DDR2: variants seen among roughly 807,000 people sequenced by gnomAD.
DDR2 encodes discoidin domain receptor tyrosine kinase 2, also known as discoidin domain-containing receptor 2.
In DDR2, 27 loss-of-function variants were observed where a neutral mutation model predicts 94.9. The observed-to-expected ratio is 0.28, with a 90% CI of 0.21 to 0.39. The LOEUF (loss-of-function observed/expected upper bound fraction) is 0.39. Ranked by LOEUF, DDR2 falls within the 10% of genes least tolerant of loss-of-function variation. DDR2 has a pLI of 1.00. For missense variants in DDR2, 783 were observed against 1,076.0 expected, an observed-to-expected ratio of 0.73 and a Z score of 3.81; for synonymous variants, 382 against 377.2, an observed-to-expected ratio of 1.01 and a Z score of -0.15.
intron 1 of DDR2, among the ~76,000 whole-genome samples, chr1:162,640,261 C>T (rs567428561): frequency 4.6e-5 from 7 of 152,184 alleles, no homozygotes; most frequent in South Asian, 4.2e-4. Flanking sequence ...AGGCTGGTTT[C>T]GAACTCCTGA....
At chr1:162,700,842 C>A (rs574721907) in intron 2 of DDR2, among the ~76,000 whole-genome samples, 1 of 152,194 alleles carries the variant, frequency 6.6e-6, no homozygotes, top group African/African-American at 2.4e-5. Context: ...GTCTTAAAAC[C>A]GCTTATAGCT....
intron 4 of DDR2, among the ~76,000 whole-genome samples, chr1:162,753,603 C>T (rs1434142437): frequency 1.3e-5 from 2 of 152,148 alleles, no homozygotes; most frequent in East Asian, 3.9e-4. Flanking sequence ...GTCTATGAAA[C>T]ATCACTCACT....
At chr1:162,775,374 C>T (rs533761833) in intron 14 of DDR2, among the ~76,000 whole-genome samples, 2 of 152,080 alleles carry the variant, frequency 1.3e-5, no homozygotes, top group South Asian at 4.2e-4. Context: ...TAATCACTTT[C>T]TGTGTGGCAG....
chr1:162,635,315 C>T (rs1656761298), intron 1 of DDR2, among the ~76,000 whole-genome samples: 1 of 151,790 alleles, frequency 6.6e-6, no homozygotes, highest in African/African-American at 2.4e-5. Context: ...GAGCGGCCAC[C>T]CCCCATACAT....
In DDR2 at chr1:162,741,729, A is replaced by T. The variant is rs1023675486; in HGVS notation, c.83-11366A>T. 8 of 985,258 alleles carry T rather than the reference A, an allele frequency of 8.1e-6. No individual in the cohort carries two copies. In the South Asian group the frequency reaches 2.8e-4, roughly 35 times the overall value. The allele number at this position is 985,258 out of a possible 1,614,324, so 61.0% of individuals were successfully genotyped here. A position where few individuals can be genotyped will look rare whatever the true frequency, so the allele number is the denominator to read the frequency against. ...TCACAAAGGGTAAGTGAAGTTCTACATTATTAGTAGCTGGGCTTGGGTCCT... is the reference window on the plus strand; with the variant it reads ...TCACAAAGGGTAAGTGAAGTTCTACTTTATTAGTAGCTGGGCTTGGGTCCT... On this transcript the variant is annotated intron_variant, in intron 3 of 17. Transcript: ENST00000367921.
intron 2 of DDR2, among the ~76,000 whole-genome samples, chr1:162,712,175 T>A (rs961215708): frequency 6.7e-6 from 1 of 149,480 alleles, no homozygotes; most frequent in African/African-American, 2.5e-5. Context: ...AAATATGGTG[T>A]CATGTGTGTA....
At chr1:162,707,782 C>A (rs1484127240) in intron 2 of DDR2, among the ~76,000 whole-genome samples, 3 of 152,180 alleles carry the variant, frequency 2.0e-5, no homozygotes, top group Non-Finnish European at 4.4e-5. Flanking sequence ...TCTATTCATA[C>A]CGCTATTCAA....
At chr1:162,679,995 T>G (rs186339235) in intron 2 of DDR2, among the ~76,000 whole-genome samples, 1 of 152,336 alleles carries the variant, frequency 6.6e-6, no homozygotes, top group African/African-American at 2.4e-5. Flanking sequence ...TGGTTTTTCC[T>G]TGTAAATTTG....
intron 10 of DDR2, 121 bp from the exon 11 acceptor site, chr1:162,767,108 G>A: frequency 7.3e-7 from 1 of 1,373,850 alleles, no homozygotes; most frequent in South Asian, 1.2e-5. Context: ...GTATTAAGGT[G>A]GCATCTTCCA....
intron 2 of DDR2, among the ~76,000 whole-genome samples, chr1:162,683,963 A>G (rs954720091): frequency 4.6e-5 from 7 of 152,208 alleles, no homozygotes; most frequent in African/African-American, 1.4e-4. Context: ...AAGTGGGAGG[A>G]ATCAGTCTAC....
At chr1:162,741,800 C>T (rs1322514754) in intron 3 of DDR2, 1 of 977,482 alleles carries the variant, frequency 1.0e-6, no homozygotes, top group Non-Finnish European at 1.2e-6. Context: ...GGCATGTAGC[C>T]CAGGTTAAAG....
At chr1:162,734,248 C>A (rs1048963987) in intron 3 of DDR2, among the ~76,000 whole-genome samples, 4 of 152,192 alleles carry the variant, frequency 2.6e-5, no homozygotes, top group African/African-American at 9.6e-5. Flanking sequence ...TATCTCCTGT[C>A]TGCTAAAACA....
intron 3 of DDR2, among the ~76,000 whole-genome samples, chr1:162,748,812 A>G (rs1663025479): frequency 6.6e-6 from 1 of 152,230 alleles, no homozygotes; most frequent in African/African-American, 2.4e-5. Flanking sequence ...TCTGTCTCAG[A>G]CCACAGTGCA....
chr1:162,720,177 T>C (rs1013857400), intron 3 of DDR2, among the ~76,000 whole-genome samples: 26 of 151,650 alleles, frequency 1.7e-4, no homozygotes, highest in African/African-American at 5.6e-4. Flanking sequence ...GCTACAAATA[T>C]GAACATGGAA....
Position 162,658,662 on chromosome 1 carries a change from CAA to C in DDR2, c.-28+3305_-28+3306del, listed in dbSNP as rs796958023. On this transcript the variant is annotated intron_variant, in intron 2 of 17. Coordinates refer to ENST00000367921, the MANE Select transcript of DDR2 (RefSeq NM_006182.4). ...GCAACGTGGCAAGACCTTGTCTGTA[CAA>C]AAAAAAAAAAAAAAAATGCCAGGTA... Among the ~76,000 whole-genome samples, 226 of 61,086 alleles carry C rather than the reference CAA, an allele frequency of 3.7e-3. 1 individual carries two copies. The highest frequency in any genetic ancestry group is 0.012 in the African/African-American group (217 of 18,216). The allele number at this position is 61,086 out of a possible 152,430, so 40.1% of individuals were successfully genotyped here. A position where few individuals can be genotyped will look rare whatever the true frequency, so the allele number is the denominator to read the frequency against.
At chr1:162,690,013 C>CAA (rs143775652) in intron 2 of DDR2, among the ~76,000 whole-genome samples, 60 of 103,200 alleles carry the variant, frequency 5.8e-4, no homozygotes, top group African/African-American at 1.5e-3. Context: ...AAGACAATGT[C>CAA]AAAAAAAAAA....
chr1:162,693,013 A>C (rs1363148284), intron 2 of DDR2, among the ~76,000 whole-genome samples: 7 of 152,238 alleles, frequency 4.6e-5, no homozygotes, highest in Non-Finnish European at 1.0e-4. Context: ...ACTGCTCCAT[A>C]GAACTACATG....
intron 3 of DDR2, among the ~76,000 whole-genome samples, chr1:162,747,188 G>A (rs1662917033): frequency 6.6e-6 from 1 of 152,190 alleles, no homozygotes; most frequent in Non-Finnish European, 1.5e-5. Context: ...GACAGAAGTA[G>A]GCTTAAAAAT....
At chr1:162,730,776 G>C (rs1266014781) in intron 3 of DDR2, among the ~76,000 whole-genome samples, 3 of 152,162 alleles carry the variant, frequency 2.0e-5, no homozygotes, top group Non-Finnish European at 4.4e-5. Context: ...CAAAAAATCA[G>C]CTCAGCTCTT....
Sources: allele counts gnomAD v4.1 joint callset (sites outside exome capture counted in the v4.1 genomes callset), GRCh38; gene constraint gnomAD v4.1.1; transcripts MANE v1.5; gene names NCBI Gene and HGNC (gene_info 2026-07-23, HGNC 2026-07-21).